Variants in FSTL5 observed in about 807,000 individuals in gnomAD.
FSTL5 encodes the protein follistatin-related protein 5.
In FSTL5, 62 loss-of-function variants were observed where a neutral mutation model predicts 89.1. The ratio of observed to expected loss-of-function variants is 0.70; its 90% CI spans 0.57 to 0.86. The LOEUF is 0.86. Among genes scored for constraint, FSTL5 ranks in the 40% least tolerant of loss-of-function variants. The pLI, the probability that FSTL5 is intolerant of heterozygous loss-of-function variation, is 0.00. For synonymous variants in FSTL5, 383 were observed against 346.2 expected (o/e 1.11, Z -1.18); for missense variants, 1,057 against 1,001.6 (o/e 1.06, Z -0.75).
chr4:161,497,821 T>C (rs2126480348), intron 12 of FSTL5, among the ~76,000 whole-genome samples: 1 of 152,096 alleles, frequency 6.6e-6, no homozygotes, highest in South Asian at 2.1e-4. Flanking sequence ...CGTTGGTGTA[T>C]GTTTGTGGAT....
intron 15 of FSTL5, among the ~76,000 whole-genome samples, chr4:161,422,241 G>T (rs377170833): frequency 6.6e-6 from 1 of 151,900 alleles, no homozygotes; most frequent in African/African-American, 2.4e-5. Flanking sequence ...AATTTCTGTT[G>T]TAAAGGATTG....
chr4:161,545,812 A>AGGG (rs1731986791), intron 8 of FSTL5, among the ~76,000 whole-genome samples: 2 of 152,002 alleles, frequency 1.3e-5, no homozygotes, highest in Middle Eastern at 3.2e-3. Context: ...TTATCTTTAT[A>AGGG]ATTAAAATAA....
At chr4:161,997,601 CT>C (rs60978465) in intron 3 of FSTL5, among the ~76,000 whole-genome samples, 194 of 129,292 alleles carry the variant, frequency 1.5e-3, no homozygotes, top group African/African-American at 4.5e-3. Context: ...TACATGTTAT[CT>C]TTTTTTTTTT....
chr4:161,694,840 G>T, intron 6 of FSTL5, among the ~76,000 whole-genome samples: 3 of 93,752 alleles, frequency 3.2e-5, no homozygotes, highest in African/African-American at 3.8e-5. Flanking sequence ...TTTTCTAAAT[G>T]CCTTTTTTTT....
intron 8 of FSTL5, among the ~76,000 whole-genome samples, chr4:161,570,675 A>G (rs370727721): frequency 3.9e-5 from 6 of 152,240 alleles, no homozygotes; most frequent in African/African-American, 1.4e-4. Flanking sequence ...GTTTACAAAC[A>G]TCGTAGATAA....
Position 161,863,833 on chromosome 4 carries a change from G to A in FSTL5, c.409+56571C>T, listed in dbSNP as rs144501941. 1.3e-3 allele frequency among the ~76,000 whole-genome samples: 197 copies of A among 152,264 alleles called. 1 individual carries two copies. Among genetic ancestry groups the A allele is most frequent in the African/African-American group, 4.4e-3 (183 of 41,576 alleles). ...TCTTCTAGAGAAGGACTTCAGCACC[G>A]CTGGGAGGGGTCTGGCCACTTCTGG... On this transcript the variant is annotated intron_variant, in intron 4 of 15. Coordinates refer to ENST00000306100, the MANE Select transcript of FSTL5 (RefSeq NM_020116.5).
At chr4:161,942,150 C>T (rs1370176033) in intron 3 of FSTL5, among the ~76,000 whole-genome samples, 1 of 151,758 alleles carries the variant, frequency 6.6e-6, no homozygotes, top group Non-Finnish European at 1.5e-5. Context: ...ACTAAGAACT[C>T]ATAGCTGTAA....
At chr4:162,010,217 T>C (rs577175778) in intron 3 of FSTL5, among the ~76,000 whole-genome samples, 3 of 152,194 alleles carry the variant, frequency 2.0e-5, no homozygotes, top group Non-Finnish European at 4.4e-5. Flanking sequence ...CATTTTCTAG[T>C]GCATTGGTAT....
intron 6 of FSTL5, among the ~76,000 whole-genome samples, chr4:161,664,135 A>C (rs1400397612): frequency 6.6e-6 from 1 of 152,204 alleles, no homozygotes; most frequent in African/African-American, 2.4e-5. Flanking sequence ...GCTGCGGTGA[A>C]GGTCTCTGAC....
At chr4:162,148,718 C>G (rs1465485157) in intron 1 of FSTL5, among the ~76,000 whole-genome samples, 2 of 152,112 alleles carry the variant, frequency 1.3e-5, no homozygotes, top group Non-Finnish European at 2.9e-5. Context: ...ATAATGCCTT[C>G]TAAATATGAT....
intron 1 of FSTL5, among the ~76,000 whole-genome samples, chr4:162,153,170 G>T (rs1733297529): frequency 6.6e-6 from 1 of 152,020 alleles, no homozygotes; most frequent in African/African-American, 2.4e-5. Flanking sequence ...CTTACTGGAT[G>T]ATAAACTCTT....
At chr4:161,705,337 G>C (rs1451769880) in intron 6 of FSTL5, among the ~76,000 whole-genome samples, 1 of 151,994 alleles carries the variant, frequency 6.6e-6, no homozygotes, top group Non-Finnish European at 1.5e-5. Flanking sequence ...ATTTTAGTGA[G>C]GAGATTTGGG....
intron 8 of FSTL5, among the ~76,000 whole-genome samples, chr4:161,564,815 C>T (rs1264143468): frequency 2.0e-5 from 3 of 151,556 alleles, no homozygotes; most frequent in Non-Finnish European, 2.9e-5. Flanking sequence ...AGGTGTTCTG[C>T]TTGCATACTA....
chr4:161,452,633 G>A (rs1002077666), intron 15 of FSTL5, among the ~76,000 whole-genome samples: 10 of 149,484 alleles, frequency 6.7e-5, no homozygotes, highest in South Asian at 6.2e-4. Context: ...TTTACTTCTC[G>A]CATTCACGGT....
intron 8 of FSTL5, among the ~76,000 whole-genome samples, chr4:161,574,409 A>G (rs1348345313): frequency 6.7e-6 from 1 of 150,280 alleles, no homozygotes; most frequent in Non-Finnish European, 1.5e-5. Context: ...GGTTTGTTAC[A>G]TAGTTATACA....
chr4:162,021,147 A>T (rs1737067668), intron 3 of FSTL5, among the ~76,000 whole-genome samples: 1 of 152,164 alleles, frequency 6.6e-6, no homozygotes, highest in South Asian at 2.1e-4. Flanking sequence ...AATGTTGAGA[A>T]GACAGAACTT....
rs182416431 is a variant in FSTL5, at chr4:161,962,394, A to G, written c.161-41742T>C. 1.0e-3 allele frequency among the ~76,000 whole-genome samples: 157 copies of G among 152,094 alleles called. 2 individuals are homozygous for G. The highest frequency in any genetic ancestry group is 3.2e-3 in the African/African-American group (134 of 41,536). ...ATCTCTGTTTGCTACTTTAGCCAAG[A>G]TGGTTCTTGTTGTGACATCTGCAAA... On this transcript the variant is annotated intron_variant, in intron 3 of 15. Transcript: ENST00000306100.
chr4:161,895,244 G>C (rs1375278593), intron 4 of FSTL5, among the ~76,000 whole-genome samples: 1 of 152,148 alleles, frequency 6.6e-6, no homozygotes, highest in Non-Finnish European at 1.5e-5. Context: ...CAAATAATAT[G>C]AGAAATGCTC....
Position 161,836,165 on chromosome 4 carries a change from G to T in FSTL5, c.410-60091C>A, listed in dbSNP as rs1731032111. ...TCATGTCCTTTGTAGGGACATGGAT[G>T]AAATTGGAAATCATCATTCTGAGTA... is the stretch of plus-strand genomic sequence containing the variant. On this transcript the variant is annotated intron_variant, in intron 4 of 15. Coordinates refer to ENST00000306100, the MANE Select transcript of FSTL5 (RefSeq NM_020116.5). Among the ~76,000 whole-genome samples the T allele has an allele frequency of 4.0e-5, 6 of 151,862 alleles. No individual in the cohort carries two copies. In the South Asian group the frequency reaches 1.2e-3, roughly 32 times the overall value.
Sources: allele counts gnomAD v4.1 joint callset (sites outside exome capture counted in the v4.1 genomes callset), GRCh38; gene constraint gnomAD v4.1.1; transcripts MANE v1.5; gene names NCBI Gene and HGNC (gene_info 2026-07-23, HGNC 2026-07-21).